The following PCDHA2 variants were observed in gnomAD, a reference collection of about 807,000 sequenced individuals.
PCDHA2 encodes the protein protocadherin alpha-2.
In PCDHA2, 58 loss-of-function variants were observed where a neutral mutation model predicts 66.0. The ratio of observed to expected loss-of-function variants is 0.88; its 90% CI spans 0.71 to 1.09. The LOEUF (loss-of-function observed/expected upper bound fraction) is 1.09, where lower values mean the gene tolerates loss of function less well. Ranked by LOEUF, PCDHA2 falls within the 50% of genes least tolerant of loss-of-function variation. The pLI is 0.00. For synonymous variants in PCDHA2, 634 were observed against 554.0 expected, an observed-to-expected ratio of 1.14 and a Z score of -2.03; for missense variants, 1,267 against 1,242.3, an observed-to-expected ratio of 1.02 and a Z score of -0.30.
At chr5:140,902,615 G>A in intron 1 of PCDHA2, among the ~76,000 whole-genome samples, 1 of 152,010 alleles carries the variant, frequency 6.6e-6, no homozygotes, top group East Asian at 1.9e-4. Context: ...AGTTACATGG[G>A]TAAGTTATTT....
chr5:140,966,161 CT>C, intron 1 of PCDHA2: 1 of 175,442 alleles, frequency 5.7e-6, no homozygotes. Context: ...GCTTGGAGAT[CT>C]TTTCCTGGGG....
At chr5:140,937,798 G>A (rs782138454) in intron 1 of PCDHA2, among the ~76,000 whole-genome samples, 1 of 151,676 alleles carries the variant, frequency 6.6e-6, no homozygotes, top group African/African-American at 2.4e-5. Flanking sequence ...TGTAGTCCCA[G>A]CTACTCGGGA....
chr5:140,795,711 A>G lies in PCDHA2; in HGVS notation c.747A>G (p.Val249=). Residue 249 remains valine (V), a synonymous_variant, in exon 1 of 4, where the codon GTA becomes GTG. Transcript: ENST00000526136. Reference sequence around the variant, plus strand: ...CTTTTGCCCAATCAGTTTACAAAGTAAAATTGTTAGAGAATACGGCAAATG... The same window carrying G: ...CTTTTGCCCAATCAGTTTACAAAGTGAAATTGTTAGAGAATACGGCAAATG... ...EPTFAQSVYK[V]KLLENTANGT... The G allele has an allele frequency of 6.2e-7, 1 of 1,614,056 alleles. No homozygotes were observed. The highest frequency in any genetic ancestry group is 8.5e-7 in the Non-Finnish European group (1 of 1,179,912).
chr5:140,817,199 A>T (rs1766084808), intron 1 of PCDHA2: 2 of 152,306 alleles, frequency 1.3e-5, no homozygotes, highest in African/African-American at 4.8e-5. Flanking sequence ...AGAACACTGA[A>T]TGCATGCTTT....
At chr5:140,938,158 C>G (rs1308976624) in intron 1 of PCDHA2, among the ~76,000 whole-genome samples, 1 of 152,112 alleles carries the variant, frequency 6.6e-6, no homozygotes, top group African/African-American at 2.4e-5. Flanking sequence ...ATTGCCCAGG[C>G]TAGTCTGGAG....
intron 1 of PCDHA2, among the ~76,000 whole-genome samples, chr5:140,879,850 T>C (rs935829286): frequency 3.3e-5 from 5 of 152,230 alleles, no homozygotes; most frequent in Non-Finnish European, 5.9e-5. Flanking sequence ...CACTCCCATC[T>C]CAGCCTTCTC....
chr5:140,963,526 T>G (rs1359195018), intron 1 of PCDHA2, among the ~76,000 whole-genome samples: 3 of 152,204 alleles, frequency 2.0e-5, no homozygotes, highest in Non-Finnish European at 4.4e-5. Flanking sequence ...ATAACAGAAG[T>G]CCCATTTACT....
intron 1 of PCDHA2, among the ~76,000 whole-genome samples, chr5:140,844,826 C>T (rs1554140734): frequency 6.7e-6 from 1 of 149,170 alleles, no homozygotes; most frequent in East Asian, 1.9e-4. Context: ...TGTCTTTTTA[C>T]ACGTTTGCTT....
intron 1 of PCDHA2, chr5:140,929,053 T>C (rs781847457): frequency 6.2e-7 from 1 of 1,614,182 alleles, no homozygotes; most frequent in Non-Finnish European, 8.5e-7. Flanking sequence ...CTGCTGTCGC[T>C]CTACAGAGGA....
intron 1 of PCDHA2, chr5:140,882,864 C>T (rs2059340057): frequency 6.2e-7 from 1 of 1,614,200 alleles, no homozygotes; most frequent in East Asian, 2.2e-5. Flanking sequence ...CTGAGGAAAA[C>T]ACTGGACAGA....
At chr5:140,951,034 A>G (rs1407307131) in intron 1 of PCDHA2, among the ~76,000 whole-genome samples, 1 of 151,932 alleles carries the variant, frequency 6.6e-6, no homozygotes, top group African/African-American at 2.4e-5. Context: ...TTAATTTCAA[A>G]TATTATATTT....
intron 1 of PCDHA2, among the ~76,000 whole-genome samples, chr5:140,896,950 C>A (rs996950218): frequency 6.6e-6 from 1 of 152,106 alleles, no homozygotes; most frequent in Non-Finnish European, 1.5e-5. Context: ...TGGCCATTCC[C>A]TTAAACATTT....
chr5:140,877,558 A>G (rs782179941), intron 1 of PCDHA2: 7 of 1,613,628 alleles, frequency 4.3e-6, no homozygotes, highest in Non-Finnish European at 5.9e-6. Flanking sequence ...TCTGGTGGAT[A>G]TTAACGTGTA....
chr5:140,941,211 CTTCCTTTCTTTCTTTCTTT>C (rs1563185577), intron 1 of PCDHA2, among the ~76,000 whole-genome samples: 1,494 of 129,708 alleles, frequency 0.012, 26 homozygotes, highest in African/African-American at 0.041. Flanking sequence ...TCCTTTCTTT[CTTCCTTTCTTTCTTTCTTT>C]CTTTCTTTCT....
At chr5:140,992,332 A>G (rs1554252819) in intron 3 of PCDHA2, among the ~76,000 whole-genome samples, 1 of 152,202 alleles carries the variant, frequency 6.6e-6, no homozygotes, top group African/African-American at 2.4e-5. Context: ...TCTAAGAGCA[A>G]AGATGGAAAT....
chr5:140,935,118 T>G (rs189908862), intron 1 of PCDHA2, among the ~76,000 whole-genome samples: 6 of 152,324 alleles, frequency 3.9e-5, no homozygotes, highest in Admixed American at 3.3e-4. Flanking sequence ...AGCTTTCACT[T>G]ATTTTTAGTG....
At chr5:140,801,082 T>C in intron 1 of PCDHA2, 1 of 1,485,270 alleles carries the variant, frequency 6.7e-7, no homozygotes, top group Non-Finnish European at 8.9e-7. Context: ...ACTGCTTTGC[T>C]TCATCCTCTC....
chr5:140,835,788 C>A (rs2150244691), intron 1 of PCDHA2: 4 of 1,613,044 alleles, frequency 2.5e-6, no homozygotes, highest in South Asian at 2.2e-5. Flanking sequence ...GGAGAACAAC[C>A]CGCCGGGCTG....
chr5:140,956,186 T>C (rs1305769419), intron 1 of PCDHA2, among the ~76,000 whole-genome samples: 1 of 152,204 alleles, frequency 6.6e-6, no homozygotes, highest in Non-Finnish European at 1.5e-5. Context: ...AATACTATGC[T>C]GAATAGGAGT....
Sources: gnomAD v4.1 joint callset for allele counts (sites outside exome capture counted in the v4.1 genomes callset) on GRCh38, gnomAD v4.1.1 for gene constraint, MANE v1.5 for transcripts, NCBI Gene and HGNC (gene_info 2026-07-23, HGNC 2026-07-21) for gene names.